PAPPA: variants seen among roughly 807,000 people sequenced by gnomAD.
PAPPA encodes the protein pappalysin-1.
A neutral mutation model predicts 164.0 loss-of-function variants in PAPPA; 60 were observed. The observed-to-expected ratio is 0.37, with a 90% confidence interval of 0.30 to 0.45. The LOEUF (loss-of-function observed/expected upper bound fraction) is 0.45, where lower values mean the gene tolerates loss of function less well. Ranked by LOEUF, PAPPA falls within the 20% of genes least tolerant of loss-of-function variation. The pLI is 1.00. For missense variants in PAPPA, 1,782 were observed against 2,087.3 expected (o/e 0.85, Z 2.85); for synonymous variants, 875 against 814.1 (o/e 1.07, Z -1.27).
intron 10 of PAPPA, among the ~76,000 whole-genome samples, chr9:116,328,645 T>C (rs987571873): frequency 6.6e-6 from 1 of 152,342 alleles, no homozygotes; most frequent in African/African-American, 2.4e-5. Context: ...AACTCTTTTC[T>C]TAAAAGAAAT....
At chr9:116,379,424 A>C (rs997725665) in intron 20 of PAPPA, among the ~76,000 whole-genome samples, 1 of 152,172 alleles carries the variant, frequency 6.6e-6, no homozygotes, top group African/African-American at 2.4e-5. Flanking sequence ...CCAAAGCTTC[A>C]CTGAGAACCT....
At chr9:116,378,193 A>G (rs772956228) in intron 20 of PAPPA, among the ~76,000 whole-genome samples, 1 of 152,170 alleles carries the variant, frequency 6.6e-6, no homozygotes, top group Non-Finnish European at 1.5e-5. Context: ...AAGAGCCTTT[A>G]TAACCCTTAA....
At position 116,302,820 on chromosome 9, in the gene PAPPA, C is replaced by T; in HGVS notation, c.3017C>T (p.Thr1006Ile). The T allele has an allele frequency of 6.2e-7, 1 of 1,614,012 alleles. No homozygotes were observed. Among genetic ancestry groups the T allele is most frequent in the Non-Finnish European group, 8.5e-7 (1 of 1,179,934 alleles). The change falls in exon 10 of 22, where the codon ACC (threonine) becomes ATC (isoleucine). Residue 1006 changes from threonine to isoleucine, a missense_variant. Coordinates refer to ENST00000328252, the MANE Select transcript of PAPPA (RefSeq NM_002581.5). ...GTATGTGAGGAGTTTGAACAAAAAACCAGCATTAAGGACTGTGGTGTCTAC... is the reference window on the plus strand; with the variant it reads ...GTATGTGAGGAGTTTGAACAAAAAATCAGCATTAAGGACTGTGGTGTCTAC... Reference protein sequence around the residue: ...DGVCEEFEQKTSIKDCGVYTP... With the variant: ...DGVCEEFEQKISIKDCGVYTP...
chr9:116,313,226 G>A (rs1196968612), intron 10 of PAPPA, among the ~76,000 whole-genome samples: 2 of 152,114 alleles, frequency 1.3e-5, no homozygotes, highest in South Asian at 4.2e-4. Context: ...AGAGGCCCAT[G>A]AGAGATGTCC....
At position 116,351,222 on chromosome 9, in the gene PAPPA, C is replaced by A. The variant is rs572739235; in HGVS notation, c.3965-1484C>A. ...TTGTTTTGTTTTATTTTGTTCACTG[C>A]TTTGCCTTCAACATATAAAAGTATC... On this transcript the variant is annotated intron_variant, in intron 15 of 21. Coordinates refer to ENST00000328252, the MANE Select transcript of PAPPA (RefSeq NM_002581.5). Among the ~76,000 whole-genome samples the A allele has an allele frequency of 8.9e-4, 135 of 152,232 alleles. 1 individual carries two copies. Among genetic ancestry groups the A allele is most frequent in the African/African-American group, 3.2e-3 (131 of 41,540 alleles).
At chr9:116,354,784 A>G (rs1329789840) in intron 17 of PAPPA, among the ~76,000 whole-genome samples, 1 of 152,034 alleles carries the variant, frequency 6.6e-6, no homozygotes, top group African/African-American at 2.4e-5. Flanking sequence ...GCCTCTTTCC[A>G]GTACATTCTT....
chr9:116,223,057 T>C (rs916243604), intron 5 of PAPPA, among the ~76,000 whole-genome samples: 7 of 152,206 alleles, frequency 4.6e-5, no homozygotes, highest in African/African-American at 1.4e-4. Flanking sequence ...ATTTTTCACA[T>C]TACCATCAGT....
chr9:116,258,830 T>A (rs1020209810), intron 7 of PAPPA, among the ~76,000 whole-genome samples: 7 of 152,172 alleles, frequency 4.6e-5, no homozygotes, highest in Admixed American at 4.6e-4. Context: ...TTATTTCACA[T>A]CATTTAAAAA....
chr9:116,369,453 T>C (rs1846544581), intron 19 of PAPPA, among the ~76,000 whole-genome samples: 1 of 152,178 alleles, frequency 6.6e-6, no homozygotes, highest in African/African-American at 2.4e-5. Context: ...AACGACAAGC[T>C]GGACTTGTGA....
intron 15 of PAPPA, 87 bp from the exon 16 acceptor site, chr9:116,352,619 A>T: frequency 9.7e-7 from 1 of 1,032,752 alleles, no homozygotes; most frequent in Non-Finnish European, 1.5e-6. Context: ...CTGGTTCTTC[A>T]AGTCAGCTAA....
In PAPPA at chr9:116,386,143, A is replaced by G. The variant is rs193104949; in HGVS notation, c.4776+3650A>G. Among the ~76,000 whole-genome samples the G allele has an allele frequency of 2.3e-3, 357 of 152,320 alleles. 1 individual carries two copies. The highest frequency in any genetic ancestry group is 8.1e-3 in the African/African-American group (338 of 41,586). On this transcript the variant is annotated intron_variant, in intron 21 of 21. Coordinates refer to ENST00000328252, the MANE Select transcript of PAPPA (RefSeq NM_002581.5). Reference sequence around the variant, plus strand: ...ACTAAGGGCCTCCTTTATGGCAGATAGGACTTTGCCATCATTATTTCAGTT... The same window carrying G: ...ACTAAGGGCCTCCTTTATGGCAGATGGGACTTTGCCATCATTATTTCAGTT...
intron 15 of PAPPA, among the ~76,000 whole-genome samples, chr9:116,350,683 G>A (rs1443756168): frequency 6.6e-6 from 1 of 152,176 alleles, no homozygotes; most frequent in East Asian, 1.9e-4. Flanking sequence ...TGTGCTTCCT[G>A]TACTTTATAT....
chr9:116,239,848 G>A (rs1281049196), intron 7 of PAPPA, among the ~76,000 whole-genome samples: 2 of 152,032 alleles, frequency 1.3e-5, no homozygotes, highest in African/African-American at 4.8e-5. Flanking sequence ...ATAGCAAGGG[G>A]AAGACAGGCT....
At chr9:116,177,048 AG>A (rs1349913516) in intron 1 of PAPPA, among the ~76,000 whole-genome samples, 1 of 148,810 alleles carries the variant, frequency 6.7e-6, no homozygotes, top group Non-Finnish European at 1.5e-5. Flanking sequence ...TATGTTTCTG[AG>A]CTTATTAGAA....
At chr9:116,322,820 C>G (rs536834351) in intron 10 of PAPPA, among the ~76,000 whole-genome samples, 3 of 152,160 alleles carry the variant, frequency 2.0e-5, no homozygotes, top group African/African-American at 7.2e-5. Context: ...GTGTGTTGCA[C>G]ACTTGTACAT....
chr9:116,313,524 G>T (rs1483986945), intron 10 of PAPPA, among the ~76,000 whole-genome samples: 3 of 152,202 alleles, frequency 2.0e-5, no homozygotes, highest in Non-Finnish European at 2.9e-5. Context: ...TCCAGGAAGA[G>T]AATATCAATT....
rs771238878 is a variant in PAPPA, at chr9:116,334,920, A to C, written c.3457A>C (p.Ser1153Arg). 6.2e-7 allele frequency: 1 copy of C among 1,613,416 alleles called. No homozygotes were observed. ...PLIIPVVHDL[S>R]QPFYHSQAVR... Reference sequence around the variant, plus strand: ...GATTATCCCTGTGGTCCATGACCTCAGCCAGCCCTTCTACCACAGCCAGGC... The same window carrying C: ...GATTATCCCTGTGGTCCATGACCTCCGCCAGCCCTTCTACCACAGCCAGGC... Residue 1153 changes from serine (S) to arginine (R), a missense_variant, in exon 13 of 22, where the codon AGC (serine) becomes CGC (arginine). By Grantham distance (110) the Ser-to-Arg change is moderately radical. Transcript: ENST00000328252.
chr9:116,187,625 C>T lies in PAPPA; in HGVS notation c.887C>T (p.Ala296Val). The T allele has an allele frequency of 6.2e-7, 1 of 1,614,204 alleles. No individual in the cohort carries two copies. The highest frequency in any genetic ancestry group is 8.5e-7 in the Non-Finnish European group (1 of 1,180,020). Residue 296 changes from alanine (A) to valine (V), a missense_variant, in exon 2 of 22, where the codon GCC becomes GTC. Transcript: ENST00000328252. This position sits in a 1 kb window ranked among gnomAD's most constrained non-coding sequence, Gnocchi z 4.2. ...GAGAACTGGGACAATGTGAAGCATG[C>T]CTGGTCCCCCATGAAGGATGGCAGC... ...LQENWDNVKH[A>V]WSPMKDGSSP... is the part of the protein sequence containing the mutation.
chr9:116,304,092 G>T (rs977052289), intron 10 of PAPPA, among the ~76,000 whole-genome samples: 9 of 152,146 alleles, frequency 5.9e-5, no homozygotes, highest in African/African-American at 2.2e-4. Flanking sequence ...GAATGGCTAG[G>T]GTTCATCCTC....
Sources: allele counts gnomAD v4.1 joint callset (sites outside exome capture counted in the v4.1 genomes callset), GRCh38; gene constraint gnomAD v4.1.1; non-coding constraint Gnocchi (gnomAD v3.1); transcripts MANE v1.5; gene names NCBI Gene and HGNC (gene_info 2026-07-23, HGNC 2026-07-21).